PHACTR4: variants seen among roughly 807,000 people sequenced by gnomAD.
PHACTR4 encodes phosphatase and actin regulator 4, also known as protein phosphatase 1, regulatory subunit 124.
A neutral mutation model predicts 72.7 loss-of-function variants in PHACTR4; 51 were observed. The observed-to-expected ratio is 0.70, with a 90% CI of 0.56 to 0.89. The LOEUF (loss-of-function observed/expected upper bound fraction) is 0.89, where lower values mean the gene tolerates loss of function less well. Among genes scored for constraint, PHACTR4 ranks in the 40% least tolerant of loss-of-function variants. The pLI, the probability that PHACTR4 is intolerant of heterozygous loss-of-function variation, is 0.00. For synonymous variants in PHACTR4, 255 were observed against 302.5 expected (o/e 0.84, Z 1.63); for missense variants, 731 against 861.8 (o/e 0.85, Z 1.90).
chr1:28,487,670 AAAGT>A (rs1660758440), intron 9 of PHACTR4, among the ~76,000 whole-genome samples: 1 of 150,872 alleles, frequency 6.6e-6, no homozygotes, highest in South Asian at 2.1e-4. Flanking sequence ...GTATAAATTA[AAAGT>A]AAGAAATGAA....
intron 1 of PHACTR4, among the ~76,000 whole-genome samples, chr1:28,379,357 T>G (rs1019822510): frequency 5.3e-5 from 8 of 150,838 alleles, no homozygotes; most frequent in African/African-American, 2.0e-4. Context: ...AACCTCTACC[T>G]CCTCAGGCTC....
intron 2 of PHACTR4, among the ~76,000 whole-genome samples, chr1:28,453,131 TAAATAA>T (rs1305870842): frequency 6.6e-6 from 1 of 152,016 alleles, no homozygotes; most frequent in Non-Finnish European, 1.5e-5. Context: ...AAAAAATAAA[TAAATAA>T]AAATAAAAAT....
intron 1 of PHACTR4, among the ~76,000 whole-genome samples, chr1:28,394,606 T>TC (rs1451414347): frequency 4.6e-5 from 7 of 151,646 alleles, no homozygotes; most frequent in Non-Finnish European, 5.9e-5. Flanking sequence ...TTCTTTTTTT[T>TC]TTTTTTGGAG....
intron 1 of PHACTR4, among the ~76,000 whole-genome samples, chr1:28,401,337 C>T (rs1385925588): frequency 2.1e-5 from 3 of 141,612 alleles, no homozygotes; most frequent in East Asian, 2.0e-4. Flanking sequence ...GATGGAGTCT[C>T]GCTCTGTCAC....
chr1:28,416,564 C>T (rs184041207), intron 2 of PHACTR4, among the ~76,000 whole-genome samples: 2 of 152,200 alleles, frequency 1.3e-5, no homozygotes, highest in Non-Finnish European at 2.9e-5. Context: ...GGCAGTAATG[C>T]TGACATTCTG....
chr1:28,426,580 C>T (rs866968839), intron 2 of PHACTR4, among the ~76,000 whole-genome samples: 15 of 152,026 alleles, frequency 9.9e-5, no homozygotes, highest in Middle Eastern at 3.4e-3. Context: ...AGGAGAATGG[C>T]GTGAACCCGG....
chr1:28,440,112 T>C (rs1656898542), intron 2 of PHACTR4, among the ~76,000 whole-genome samples: 1 of 151,736 alleles, frequency 6.6e-6, no homozygotes, highest in African/African-American at 2.4e-5. Context: ...CCATTCTGGC[T>C]AACACGGTGA....
chr1:28,407,537 T>A, intron 2 of PHACTR4, 74 bp downstream of exon 2: 2 of 1,410,258 alleles, frequency 1.4e-6, no homozygotes, highest in Non-Finnish European at 2.0e-6. Context: ...GCTTTGAGAG[T>A]AAATTGGTTT....
At chr1:28,464,941 T>A (rs1659042899) in intron 4 of PHACTR4, among the ~76,000 whole-genome samples, 1 of 151,962 alleles carries the variant, frequency 6.6e-6, no homozygotes, top group Non-Finnish European at 1.5e-5. Flanking sequence ...TGACCTCAGG[T>A]GATCCACCTG....
At chr1:28,453,875 A>G in intron 2 of PHACTR4, 1 of 856,540 alleles carries the variant, frequency 1.2e-6, no homozygotes, top group Non-Finnish European at 1.9e-6. Flanking sequence ...CTACTGGATC[A>G]GGACCAAAAG....
At chr1:28,393,362 A>T (rs1322224646) in intron 1 of PHACTR4, among the ~76,000 whole-genome samples, 1 of 152,220 alleles carries the variant, frequency 6.6e-6, no homozygotes, top group African/African-American at 2.4e-5. Flanking sequence ...AAACCACTAT[A>T]GTAGGCTCAT....
At chr1:28,386,322 G>A (rs1652557354) in intron 1 of PHACTR4, among the ~76,000 whole-genome samples, 1 of 152,014 alleles carries the variant, frequency 6.6e-6, no homozygotes, top group African/African-American at 2.4e-5. Context: ...TTGAACTCCT[G>A]ACCTCAAGTG....
At chr1:28,434,580 A>G (rs1656508567) in intron 2 of PHACTR4, among the ~76,000 whole-genome samples, 1 of 152,176 alleles carries the variant, frequency 6.6e-6, no homozygotes, top group Non-Finnish European at 1.5e-5. Flanking sequence ...CTGGCCTCCC[A>G]AAGTGCTGGG....
Position 28,377,040 on chromosome 1 carries a change from C to T in PHACTR4, c.-39+7215C>T, listed in dbSNP as rs568272764. On this transcript the variant is annotated intron_variant, in intron 1 of 13. Coordinates refer to ENST00000373839, the MANE Select transcript of PHACTR4 (RefSeq NM_001048183.3). The stretch of plus-strand genomic sequence containing the variant: ...TGCCTCCCGGGTTCAAGCGATTCTC[C>T]AGCCTCAGCCTCCCAAGTAGCTGGG... 2.8e-4 allele frequency among the ~76,000 whole-genome samples: 42 copies of T among 152,186 alleles called. No homozygotes were observed. In the South Asian group the frequency reaches 3.7e-3, roughly 14 times the overall value.
intron 6 of PHACTR4, among the ~76,000 whole-genome samples, chr1:28,467,863 T>G (rs1659300395): frequency 6.6e-6 from 1 of 152,198 alleles, no homozygotes; most frequent in South Asian, 2.1e-4. Context: ...TTTATATAAA[T>G]GCACAATTTC....
chr1:28,407,594 T>A, intron 2 of PHACTR4, 131 bp downstream of exon 2: 1 of 608,060 alleles, frequency 1.6e-6, no homozygotes, highest in Non-Finnish European at 2.7e-6. Flanking sequence ...GGTCTCAAAC[T>A]TTTTGCTTCT....
At chr1:28,454,051 A>G (rs1025931213) in intron 2 of PHACTR4, 1 of 277,042 alleles carries the variant, frequency 3.6e-6, no homozygotes, top group South Asian at 4.4e-5. Context: ...CCTTGTCTCT[A>G]TTAAAAAAAA....
At chr1:28,386,294 A>G (rs571561825) in intron 1 of PHACTR4, among the ~76,000 whole-genome samples, 2 of 152,052 alleles carry the variant, frequency 1.3e-5, no homozygotes, top group African/African-American at 2.4e-5. Context: ...GGGTTTCACC[A>G]TGTTGGCCAG....
intron 9 of PHACTR4, among the ~76,000 whole-genome samples, chr1:28,485,898 C>T (rs1217727458): frequency 6.6e-6 from 1 of 151,680 alleles, no homozygotes; most frequent in East Asian, 1.9e-4. Context: ...GACTCTCCAT[C>T]TCAAAAAAAA....
Sources: gnomAD v4.1 joint callset for allele counts (sites outside exome capture counted in the v4.1 genomes callset) on GRCh38, gnomAD v4.1.1 for gene constraint, MANE v1.5 for transcripts, NCBI Gene and HGNC (gene_info 2026-07-23, HGNC 2026-07-21) for gene names.